ABCA13: variants seen among roughly 807,000 people sequenced by gnomAD.
ABCA13 encodes ATP binding cassette subfamily A member 13.
Under a neutral mutation model 478.7 loss-of-function variants are expected in ABCA13, and 476 were observed. The ratio of observed to expected loss-of-function variants is 0.99; its 90% CI spans 0.92 to 1.07. ABCA13 has a LOEUF of 1.07. Ranked by LOEUF, ABCA13 falls within the 50% of genes least tolerant of loss-of-function variation. The pLI is 0.00. For missense variants in ABCA13, 6,060 were observed against 5,910.6 expected, an observed-to-expected ratio of 1.03 and a Z score of -0.83; for synonymous variants, 2,252 against 2,158.9, an observed-to-expected ratio of 1.04 and a Z score of -1.20.
At chr7:48,245,034 A>G (rs1263293865) in intron 11 of ABCA13, among the ~76,000 whole-genome samples, 2 of 152,150 alleles carry the variant, frequency 1.3e-5, no homozygotes, top group African/African-American at 4.8e-5. Flanking sequence ...AAGGGACCAG[A>G]GTGCGTTGTG....
intron 40 of ABCA13, among the ~76,000 whole-genome samples, chr7:48,411,032 TTTCTTTCTTTC>T (rs1159206605): frequency 1.7e-4 from 20 of 118,866 alleles, no homozygotes; most frequent in South Asian, 4.8e-4. Context: ...TCTTTCTTTC[TTTCTTTCTTTC>T]TTTCTTTTTC....
At chr7:48,539,857 C>G (rs1325198657) in intron 55 of ABCA13, among the ~76,000 whole-genome samples, 5 of 152,174 alleles carry the variant, frequency 3.3e-5, no homozygotes, top group Admixed American at 6.5e-5. Flanking sequence ...AATTGCAGAC[C>G]TGAAATCAAA....
At chr7:48,451,146 C>T (rs35538113) in intron 42 of ABCA13, among the ~76,000 whole-genome samples, 23,403 of 151,746 alleles carry the variant, frequency 0.15, 2,303 homozygotes, top group East Asian at 0.22. Flanking sequence ...TACAGGCATA[C>T]ACCACCATGC....
chr7:48,416,793 A>ATGTCCATGC (rs1193345116), intron 41 of ABCA13, among the ~76,000 whole-genome samples: 1 of 151,944 alleles, frequency 6.6e-6, no homozygotes, highest in East Asian at 1.9e-4. Context: ...CCCCAGACCC[A>ATGTCCATGC]TGTCCATGCT....
Position 48,520,030 on chromosome 7 carries a change from T to TC in ABCA13, c.13798-10dup. The TC allele has an allele frequency of 6.3e-7, 1 of 1,584,244 alleles. No homozygotes were observed. Among genetic ancestry groups the TC allele is most frequent in the Non-Finnish European group, 8.6e-7 (1 of 1,164,880 alleles). On this transcript the variant is annotated splice_polypyrimidine_tract_variant and intron_variant, in intron 52 of 61. Transcript: ENST00000435803. ...TTTAATTGGATTTTTTTTCTTTTTT[T>TC]CACTGTGCAGAATTTACAGAATATC...
intron 29 of ABCA13, 140 bp downstream of exon 29, chr7:48,338,595 C>G (rs1563078999): frequency 5.3e-6 from 3 of 567,774 alleles, no homozygotes; most frequent in East Asian, 6.3e-5. Context: ...ATTTTCTTAT[C>G]TGGATCCTGA....
intron 59 of ABCA13, among the ~76,000 whole-genome samples, chr7:48,619,402 ATGT>A (rs1238158812): frequency 2.0e-5 from 3 of 152,148 alleles, no homozygotes; most frequent in Non-Finnish European, 4.4e-5. Flanking sequence ...GTTAACTGTG[ATGT>A]TGTTTCTTAC....
intron 55 of ABCA13, among the ~76,000 whole-genome samples, chr7:48,565,012 C>A (rs999659174): frequency 3.9e-5 from 6 of 152,002 alleles, no homozygotes; most frequent in Admixed American, 1.3e-4. Flanking sequence ...TAAAACTGAA[C>A]CTGTGTGTGT....
rs1239027704 is a variant in ABCA13 at position 48,478,117 on chromosome 7, T to G, written c.12976-2919T>G. Among the ~76,000 whole-genome samples the G allele has an allele frequency of 4.0e-5, 6 of 150,874 alleles. 1 individual carries two copies. The South Asian group carries it at 1.2e-3, about 31-fold the overall frequency. The stretch of plus-strand genomic sequence containing the variant: ...CATCAAGGTTGGCTGATTTATTTAT[T>G]TATTTTAATTGAGAAGCAGAAGTTA... On this transcript the variant is annotated intron_variant, in intron 45 of 61. Transcript: ENST00000435803.
chr7:48,290,636 G>A (rs1406839683), intron 20 of ABCA13, among the ~76,000 whole-genome samples: 1 of 152,080 alleles, frequency 6.6e-6, no homozygotes, highest in African/African-American at 2.4e-5. Context: ...ATCCATAGCA[G>A]GAATATTATA....
intron 59 of ABCA13, among the ~76,000 whole-genome samples, chr7:48,642,234 T>G: frequency 6.6e-6 from 1 of 152,176 alleles, no homozygotes; most frequent in East Asian, 1.9e-4. Flanking sequence ...GGGTGATCTA[T>G]GTCACTGAAA....
rs1231860766 is a variant in ABCA13, at chr7:48,273,847, G to A, written c.4181G>A (p.Cys1394Tyr). Residue 1394 changes from cysteine (C) to tyrosine (Y), a missense_variant, in exon 17 of 62, where the codon TGC becomes TAC. This residue lies in a region of ABCA13 where 4,423 missense variants were observed against 4,309.1 expected (regional missense o/e 1.03). Transcript: ENST00000435803. ...AACACAATTAGCAGTCTGAAAGGAT[G>A]CATTGTATGGTTAGATGTCATAAAC... ...SENTISSLKG[C>Y]IVWLDVINHL... 6.2e-7 allele frequency: 1 copy of A among 1,612,292 alleles called. No individual in the cohort carries two copies. The highest frequency in any genetic ancestry group is 1.3e-5 in the African/African-American group (1 of 74,998).
intron 55 of ABCA13, among the ~76,000 whole-genome samples, chr7:48,532,663 T>C (rs1254230962): frequency 8.6e-5 from 13 of 152,028 alleles, no homozygotes; most frequent in Admixed American, 4.6e-4. Flanking sequence ...TTTTTTTAAT[T>C]ATCATTTCAA....
At chr7:48,363,347 A>G (rs1369948356) in intron 31 of ABCA13, among the ~76,000 whole-genome samples, 1 of 152,114 alleles carries the variant, frequency 6.6e-6, no homozygotes, top group Non-Finnish European at 1.5e-5. Flanking sequence ...TCTCCCTTTT[A>G]TATAACTTGG....
chr7:48,565,689 C>T (rs191505416), intron 55 of ABCA13, among the ~76,000 whole-genome samples: 2 of 152,208 alleles, frequency 1.3e-5, no homozygotes, highest in East Asian at 1.9e-4. Flanking sequence ...AAACATATTC[C>T]TAATCCATAT....
rs148431620 is a variant in ABCA13, at chr7:48,465,700, T to G, written c.12816-1256T>G. Among the ~76,000 whole-genome samples, 159 of 152,232 alleles carry G rather than the reference T, an allele frequency of 1.0e-3. 2 individuals are homozygous for G. In the East Asian group the frequency reaches 0.025, roughly 24 times the overall value. ...TTTATAATGTCTTACTTTGGGAACA[T>G]TTCAAATCTTCTAGCTGTTTTGAAA... On this transcript the variant is annotated intron_variant, in intron 43 of 61. Coordinates refer to ENST00000435803, the MANE Select transcript of ABCA13 (RefSeq NM_152701.5).
intron 48 of ABCA13, among the ~76,000 whole-genome samples, chr7:48,499,232 G>A (rs550035537): frequency 8.6e-5 from 13 of 152,042 alleles, no homozygotes; most frequent in Non-Finnish European, 1.6e-4. Flanking sequence ...TCAGAAGAAC[G>A]CATATATTTC....
At position 48,203,190 on chromosome 7, in the gene ABCA13, C is replaced by T. The variant is rs964186242; in HGVS notation, c.287+4830C>T. ...CCTCATTGCCTGGGGCCGGCAGGGC[C>T]GGCCGGCTGCTCCGAGTGCGGGCGG... On this transcript the variant is annotated intron_variant, in intron 3 of 61. Coordinates refer to ENST00000435803, the MANE Select transcript of ABCA13 (RefSeq NM_152701.5). 1.6e-4 allele frequency among the ~76,000 whole-genome samples: 25 copies of T among 152,114 alleles called. 1 individual carries two copies. Among genetic ancestry groups the T allele is most frequent in the African/African-American group, 5.1e-4 (21 of 41,432 alleles).
chr7:48,334,925 G>A (rs1290824275), intron 27 of ABCA13, among the ~76,000 whole-genome samples: 3 of 152,142 alleles, frequency 2.0e-5, no homozygotes, highest in Non-Finnish European at 4.4e-5. Context: ...TAAAGCATGT[G>A]CATTTGTTAT....
Sources: gnomAD v4.1 joint callset for allele counts (sites outside exome capture counted in the v4.1 genomes callset) on GRCh38, gnomAD v4.1.1 for gene constraint, gnomAD v4.1.1 regional missense constraint, MANE v1.5 for transcripts, NCBI Gene and HGNC (gene_info 2026-07-23, HGNC 2026-07-21) for gene names.